Variants in HTR3B observed in about 807,000 individuals in gnomAD.
HTR3B encodes the protein 5-hydroxytryptamine receptor 3B.
HTR3B carries 44 observed loss-of-function variants against 42.8 expected under a neutral mutation model. The observed-to-expected ratio is 1.03, with a 90% CI of 0.81 to 1.32. The LOEUF is 1.32. Among genes scored for constraint, HTR3B ranks in the 40% most tolerant of loss-of-function variants. The probability of loss-of-function intolerance (pLI) is 0.00; values close to 1 mark genes in which losing one functional copy is unlikely to be tolerated. For synonymous variants in HTR3B, 203 were observed against 209.0 expected, an observed-to-expected ratio of 0.97 and a Z score of 0.25; for missense variants, 527 against 536.5, an observed-to-expected ratio of 0.98 and a Z score of 0.17.
At chr11:113,927,568 CTT>C (rs887217222) in intron 2 of HTR3B, among the ~76,000 whole-genome samples, 5 of 144,252 alleles carry the variant, frequency 3.5e-5, no homozygotes, top group Admixed American at 7.0e-5. Context: ...TTTTTCTTTC[CTT>C]TTTTTTTTTT....
intron 6 of HTR3B, among the ~76,000 whole-genome samples, chr11:113,939,909 CAG>C (rs1950120445): frequency 7.0e-6 from 1 of 142,386 alleles, no homozygotes; most frequent in Non-Finnish European, 1.5e-5. Context: ...TTTTTTGAGA[CAG>C]AGTCTCACTC....
intron 6 of HTR3B, among the ~76,000 whole-genome samples, chr11:113,933,523 T>C (rs1341205939): frequency 1.3e-5 from 2 of 152,294 alleles, no homozygotes; most frequent in Non-Finnish European, 2.9e-5. Context: ...TAATTCCAGA[T>C]GCAGATGCAT....
At chr11:113,905,286 C>T (rs1949726569) in intron 1 of HTR3B, among the ~76,000 whole-genome samples, 1 of 152,154 alleles carries the variant, frequency 6.6e-6, no homozygotes, top group South Asian at 2.1e-4. Flanking sequence ...ATCAAGCTCT[C>T]TGCAGGTTGA....
intron 2 of HTR3B, among the ~76,000 whole-genome samples, chr11:113,923,680 TA>T (rs1182973604): frequency 6.6e-6 from 1 of 152,086 alleles, no homozygotes; most frequent in Non-Finnish European, 1.5e-5. Flanking sequence ...CCTTTGCTTT[TA>T]ACAAGCAAGA....
chr11:113,899,869 G>A (rs557512911), upstream of HTR3B, among the ~76,000 whole-genome samples: 1 of 152,274 alleles, frequency 6.6e-6, no homozygotes, highest in Non-Finnish European at 1.5e-5. Context: ...ATATTTTCAG[G>A]TACTTTCTTA....
chr11:113,938,733 C>T (rs1159049528), intron 6 of HTR3B, among the ~76,000 whole-genome samples: 1 of 152,126 alleles, frequency 6.6e-6, no homozygotes, highest in African/African-American at 2.4e-5. Flanking sequence ...GAAAATTAGT[C>T]TAGGCCTGGC....
At chr11:113,902,186 A>T (rs919694602), upstream of HTR3B, among the ~76,000 whole-genome samples, 1 of 152,256 alleles carries the variant, frequency 6.6e-6, no homozygotes, top group Non-Finnish European at 1.5e-5. Context: ...AATATTTTCA[A>T]ATGTATAGCA....
chr11:113,923,279 T>C (rs9633939), intron 2 of HTR3B, among the ~76,000 whole-genome samples: 3 of 152,220 alleles, frequency 2.0e-5, no homozygotes, highest in African/African-American at 7.2e-5. Flanking sequence ...TTGTTTAGAA[T>C]GAAGAGCTTT....
intron 2 of HTR3B, among the ~76,000 whole-genome samples, chr11:113,918,915 C>T (rs986866217): frequency 6.6e-6 from 1 of 151,960 alleles, no homozygotes; most frequent in South Asian, 2.1e-4. Flanking sequence ...TCTTGGCCTC[C>T]GAAAGTGTTG....
In HTR3B at chr11:113,904,867, G is replaced by A; in HGVS notation, c.-67G>A. On this transcript the variant is annotated 5_prime_UTR_variant, in exon 1 of 9. Transcript: ENST00000260191. ...ACAGAGTGGAGAGGAACCCTGTTAG[G>A]AGAAATTGAGCGGCATTCCATCTGG... is the stretch of plus-strand genomic sequence containing the variant. The A allele has an allele frequency of 8.1e-7, 1 of 1,241,844 alleles. No individual in the cohort carries two copies. Among genetic ancestry groups the A allele is most frequent in the Non-Finnish European group, 1.2e-6 (1 of 840,792 alleles). The allele number at this position is 1,241,844 out of a possible 1,614,324, so 76.9% of individuals were successfully genotyped here.
chr11:113,901,446 G>GAA (rs1245564709), upstream of HTR3B, among the ~76,000 whole-genome samples: 95 of 135,394 alleles, frequency 7.0e-4, no homozygotes, highest in Middle Eastern at 3.8e-3. Context: ...GCCTCTTAGG[G>GAA]AAAAAAAAAA....
intron 2 of HTR3B, among the ~76,000 whole-genome samples, chr11:113,921,747 CTCTT>C (rs1949917034): frequency 6.6e-6 from 1 of 151,998 alleles, no homozygotes; most frequent in South Asian, 2.1e-4. Flanking sequence ...ATTTTTCTAA[CTCTT>C]TCTTCCTACC....
chr11:113,929,011 G>A (rs191172114), intron 2 of HTR3B, among the ~76,000 whole-genome samples: 2 of 152,234 alleles, frequency 1.3e-5, no homozygotes, highest in East Asian at 3.9e-4. Flanking sequence ...CCTGCTTTCA[G>A]TTCTCTTGGG....
chr11:113,922,972 C>A (rs1468686877), intron 2 of HTR3B, among the ~76,000 whole-genome samples: 2 of 152,216 alleles, frequency 1.3e-5, no homozygotes, highest in Admixed American at 6.5e-5. Flanking sequence ...CCATAACATG[C>A]AGCACTATGT....
intron 6 of HTR3B, among the ~76,000 whole-genome samples, chr11:113,937,894 G>T (rs949097101): frequency 2.0e-5 from 3 of 152,234 alleles, no homozygotes; most frequent in African/African-American, 4.8e-5. Context: ...AGTTATGTAG[G>T]CTGTAAATCT....
intron 2 of HTR3B, among the ~76,000 whole-genome samples, chr11:113,911,583 G>A (rs1224850015): frequency 6.6e-6 from 1 of 151,808 alleles, no homozygotes; most frequent in East Asian, 1.9e-4. Context: ...CTGGAGTGCT[G>A]TGGCACCATC....
At chr11:113,913,494 A>G (rs1949819159) in intron 2 of HTR3B, among the ~76,000 whole-genome samples, 1 of 144,356 alleles carries the variant, frequency 6.9e-6, no homozygotes, top group Admixed American at 7.1e-5. Context: ...TACGGGTGTG[A>G]GCCACCATGC....
chr11:113,910,151 AAAAG>A (rs1205726250), intron 2 of HTR3B, among the ~76,000 whole-genome samples: 1 of 152,170 alleles, frequency 6.6e-6, no homozygotes, highest in African/African-American at 2.4e-5. Context: ...CTTGAGATTT[AAAAG>A]AGAGAAAAAA....
intron 2 of HTR3B, among the ~76,000 whole-genome samples, chr11:113,916,951 G>A (rs991989304): frequency 6.6e-6 from 1 of 152,030 alleles, no homozygotes; most frequent in Admixed American, 6.6e-5. Context: ...TTTCTGTGTA[G>A]AAAATCATGT....
Sources: gnomAD v4.1 joint callset for allele counts (sites outside exome capture counted in the v4.1 genomes callset) on GRCh38, gnomAD v4.1.1 for gene constraint, MANE v1.5 for transcripts, NCBI Gene and HGNC (gene_info 2026-07-23, HGNC 2026-07-21) for gene names.